The following NPHP4 variants were observed in gnomAD, a reference collection of about 807,000 sequenced individuals.
NPHP4 encodes nephrocystin 4, also known as nephrocystin-4.
NPHP4 carries 151 observed loss-of-function variants against 155.8 expected under a neutral mutation model. The observed-to-expected ratio is 0.97, with a 90% CI of 0.85 to 1.11. NPHP4 has a LOEUF of 1.11. Ranked by LOEUF, NPHP4 falls within the 50% of genes least tolerant of loss-of-function variation. The probability of loss-of-function intolerance (pLI) is 0.00; values close to 1 mark genes in which losing one functional copy is unlikely to be tolerated. For missense variants in NPHP4, 1,956 were observed against 1,925.7 expected (o/e 1.02, Z -0.29); for synonymous variants, 845 against 816.8 (o/e 1.03, Z -0.59).
At chr1:5,879,831 GCAAACA>G (rs1239635802) in intron 19 of NPHP4, among the ~76,000 whole-genome samples, 1 of 87,712 alleles carries the variant, frequency 1.1e-5, no homozygotes, top group Non-Finnish European at 2.4e-5. Context: ...ACACACACAC[GCAAACA>G]CACACAGACA....
At chr1:5,939,792 G>A (rs148290011) in intron 9 of NPHP4, among the ~76,000 whole-genome samples, 12 of 152,324 alleles carry the variant, frequency 7.9e-5, no homozygotes, top group Non-Finnish European at 1.2e-4. Context: ...GGCCTGCTGT[G>A]AGACCGCGTT....
intron 16 of NPHP4, among the ~76,000 whole-genome samples, chr1:5,895,903 T>C: frequency 6.6e-6 from 1 of 152,216 alleles, no homozygotes; most frequent in Admixed American, 6.5e-5. Context: ...ATGACGCAGC[T>C]ACCGTAGAGA....
chr1:5,888,253 G>A (rs370575357), intron 17 of NPHP4: 21 of 826,546 alleles, frequency 2.5e-5, no homozygotes, highest in South Asian at 1.7e-4. Context: ...CTGCCCGAAC[G>A]CCAACACTGT....
chr1:5,899,689 G>A (rs960785986), intron 16 of NPHP4, among the ~76,000 whole-genome samples: 2 of 152,098 alleles, frequency 1.3e-5, no homozygotes, highest in South Asian at 2.1e-4. Flanking sequence ...ACAAAATCTA[G>A]GTGACCTCAG....
rs994051495 is a variant in NPHP4, at chr1:5,904,536, C to T, written c.2143+81G>A. On this transcript the variant is annotated intron_variant, in intron 16 of 29. Coordinates refer to ENST00000378156, the MANE Select transcript of NPHP4 (RefSeq NM_015102.5). ...ATATGTTTTAAACTTTTCATAGTAC[C>T]ACTTATTTAATAACACTGACAATTT... 4 of 1,100,602 alleles carry T rather than the reference C, an allele frequency of 3.6e-6. No homozygotes were observed. In the Admixed American group the frequency reaches 7.5e-5, roughly 21 times the overall value. The allele number at this position is 1,100,602 out of a possible 1,614,324, so 68.2% of individuals were successfully genotyped here. A position where few individuals can be genotyped will look rare whatever the true frequency, so the allele number is the denominator to read the frequency against.
chr1:5,876,166 G>C (rs1642578343), intron 20 of NPHP4: 2 of 150,560 alleles, frequency 1.3e-5, no homozygotes, highest in African/African-American at 4.9e-5. Flanking sequence ...TGCTGACAGA[G>C]CTAAGGTTAT....
intron 3 of NPHP4, among the ~76,000 whole-genome samples, chr1:5,974,169 C>G (rs1653094233): frequency 6.6e-6 from 1 of 152,188 alleles, no homozygotes; most frequent in Admixed American, 6.5e-5. Context: ...AAGAGCCGCT[C>G]AAGAGGGGCT....
chr1:5,903,783 C>G (rs376635188), intron 16 of NPHP4, among the ~76,000 whole-genome samples: 5 of 152,144 alleles, frequency 3.3e-5, no homozygotes, highest in African/African-American at 1.2e-4. Flanking sequence ...AGCATCCCAG[C>G]TAACAAACAA....
rs1647211389 is a variant in NPHP4 at position 5,948,109 on chromosome 1, G to A, written c.953C>T (p.Ala318Val). The change falls in exon 8 of 30, where the codon GCT becomes GTT. Residue 318 changes from alanine (A) to valine (V), a missense_variant. By Grantham distance (64) the Ala-to-Val change is moderately conservative. Transcript: ENST00000378156. ...GGAGACCACTTTCCTGCTGAAGCTA[G>A]CTGAGCGCGTCAAGGCCACATCCAT... ...PEMDVALTRS[A>V]SFSRKVVSSS... The A allele has an allele frequency of 1.2e-6, 2 of 1,613,862 alleles. No individual in the cohort carries two copies. The highest frequency in any genetic ancestry group is 1.7e-6 in the Non-Finnish European group (2 of 1,179,866).
At chr1:5,871,396 T>C (rs893781226) in intron 23 of NPHP4, among the ~76,000 whole-genome samples, 3 of 152,132 alleles carry the variant, frequency 2.0e-5, no homozygotes, top group African/African-American at 4.8e-5. Context: ...GCCGCAAACA[T>C]GGACTGTCTC....
In NPHP4 at chr1:5,907,935, A is replaced by T. The variant is rs1644991448; in HGVS notation, c.1504-713T>A. On this transcript the variant is annotated intron_variant, in intron 12 of 29. Transcript: ENST00000378156. Reference sequence around the variant, plus strand: ...TTTGGAAATGAGTGCGGCTTAAAACACTGATGCGGAGGGCTGGGGGCCCAC... The same window carrying T: ...TTTGGAAATGAGTGCGGCTTAAAACTCTGATGCGGAGGGCTGGGGGCCCAC... Among the ~76,000 whole-genome samples, 4 of 152,348 alleles carry T rather than the reference A, an allele frequency of 2.6e-5. No individual in the cohort carries two copies. The South Asian group carries it at 8.3e-4, about 32-fold the overall frequency.
At chr1:5,903,407 G>A (rs1644767554) in intron 16 of NPHP4, among the ~76,000 whole-genome samples, 2 of 152,140 alleles carry the variant, frequency 1.3e-5, no homozygotes, top group South Asian at 4.1e-4. Context: ...CTTCATTTGA[G>A]GTCAGCATTT....
At chr1:5,888,135 G>A (rs1318947057) in intron 17 of NPHP4, among the ~76,000 whole-genome samples, 1 of 152,236 alleles carries the variant, frequency 6.6e-6, no homozygotes, top group Non-Finnish European at 1.5e-5. Context: ...GCCAGGCCGA[G>A]GCTGCTCGGG....
At chr1:5,964,953 T>TTTTTTTTTTTTTTTTA (rs1557850905) in intron 5 of NPHP4, among the ~76,000 whole-genome samples, 1 of 114,780 alleles carries the variant, frequency 8.7e-6, no homozygotes, top group African/African-American at 3.2e-5. Flanking sequence ...TTTTTTTTTT[T>TTTTTTTTTTTTTTTTA]GAGGCAGGGT....
intron 18 of NPHP4, chr1:5,887,022 A>T (rs867854541): frequency 1.1e-5 from 5 of 455,470 alleles, no homozygotes; most frequent in South Asian, 4.1e-5. Context: ...TCCTCCAGGG[A>T]TAGCAACAAA....
intron 11 of NPHP4, among the ~76,000 whole-genome samples, chr1:5,925,442 T>C (rs2174124): frequency 0.17 from 25,953 of 152,136 alleles, 2,277 homozygotes; most frequent in African/African-American, 0.21. Flanking sequence ...TAATCATGTT[T>C]GTATTTAATT....
chr1:5,918,050 A>T (rs1470580558), intron 11 of NPHP4, among the ~76,000 whole-genome samples: 1 of 152,252 alleles, frequency 6.6e-6, no homozygotes, highest in Non-Finnish European at 1.5e-5. Flanking sequence ...AGCTACCGAG[A>T]TCTGGAGATT....
In NPHP4 at chr1:5,863,573, G is replaced by A. The variant is rs1470785239; in HGVS notation, c.4141-168C>T. On this transcript the variant is annotated intron_variant, in intron 29 of 29. Coordinates refer to ENST00000378156, the MANE Select transcript of NPHP4 (RefSeq NM_015102.5). ...TGACTTCAGCGCCCGGTACAAGGAT[G>A]GGAACCAGTGCTCAGCCAGTGTGAC... 4.1e-6 allele frequency: 3 copies of A among 736,326 alleles called. No individual in the cohort carries two copies. In the African/African-American group the frequency reaches 5.3e-5, roughly 13 times the overall value. The allele number at this position is 736,326 out of a possible 1,614,324, so 45.6% of individuals were successfully genotyped here.
intron 3 of NPHP4, among the ~76,000 whole-genome samples, chr1:5,975,456 ACCACACT>A (rs1653380918): frequency 6.6e-6 from 1 of 152,288 alleles, no homozygotes; most frequent in African/African-American, 2.4e-5. Flanking sequence ...CCCTGGCCAC[ACCACACT>A]GTCCTTGCTG....
Sources: allele counts gnomAD v4.1 joint callset (sites outside exome capture counted in the v4.1 genomes callset), GRCh38; gene constraint gnomAD v4.1.1; transcripts MANE v1.5; gene names NCBI Gene and HGNC (gene_info 2026-07-23, HGNC 2026-07-21).